The following GPATCH2L variants were observed in gnomAD, a reference collection of about 807,000 sequenced individuals.
GPATCH2L encodes the protein G-patch domain containing 2 like.
A neutral mutation model predicts 57.4 loss-of-function variants in GPATCH2L; 31 were observed. That is an observed-to-expected ratio of 0.54 (90% CI 0.41 to 0.73). GPATCH2L has a LOEUF of 0.73. GPATCH2L is among the 30% of genes least tolerant of loss of function. The pLI is 0.00. For missense variants in GPATCH2L, 481 were observed against 599.9 expected (o/e 0.80, Z 2.07); for synonymous variants, 199 against 210.7 (o/e 0.94, Z 0.48).
rs1025550293 is a variant in GPATCH2L, at chr14:76,205,065, G to A, written c.*3214G>A. ...GCTCACTGTAACCTTGAACTCATAA[G>A]CTCAAGCCATCCTCCTGCCTCAGCC... is the stretch of plus-strand genomic sequence containing the variant. On this transcript the variant is annotated 3_prime_UTR_variant, in exon 10 of 10. Coordinates refer to ENST00000261530, the MANE Select transcript of GPATCH2L (RefSeq NM_017926.4). 6.6e-6 allele frequency: 1 copy of A among 152,230 alleles called. No homozygotes were observed. The highest frequency in any genetic ancestry group is 1.5e-5 in the Non-Finnish European group (1 of 68,118). 9.4% of individuals were successfully genotyped at this position (152,230 alleles called of 1,614,324 possible).
At chr14:76,190,013 T>C (rs1002610156) in intron 8 of GPATCH2L, among the ~76,000 whole-genome samples, 13 of 152,144 alleles carry the variant, frequency 8.5e-5, no homozygotes, top group African/African-American at 3.1e-4. Flanking sequence ...TTTCTCTCCT[T>C]AGGAGTGACT....
chr14:76,163,920 T>C (rs1321100607), intron 2 of GPATCH2L, among the ~76,000 whole-genome samples: 1 of 152,084 alleles, frequency 6.6e-6, no homozygotes, highest in Non-Finnish European at 1.5e-5. Flanking sequence ...GAGCAAGATA[T>C]TTTTTTTCCC....
intron 2 of GPATCH2L, among the ~76,000 whole-genome samples, chr14:76,159,917 G>A (rs569651259): frequency 3.3e-5 from 5 of 152,248 alleles, no homozygotes; most frequent in African/African-American, 1.2e-4. Context: ...TGGATCACAA[G>A]GTTAGGAGAT....
At chr14:76,226,328 C>T (rs7144365) in intron 1 of GPATCH2L, among the ~76,000 whole-genome samples, 67,101 of 152,020 alleles carry the variant, frequency 0.44, 17,678 homozygotes, top group South Asian at 0.68. Flanking sequence ...AATTACAGCG[C>T]TGAGCAAAAG....
chr14:76,214,763 C>T (rs995827647), downstream of GPATCH2L, among the ~76,000 whole-genome samples: 98 of 152,306 alleles, frequency 6.4e-4, 1 homozygote, highest in African/African-American at 2.3e-3. Context: ...TATACCATAG[C>T]AGTCAGTAAC....
At chr14:76,231,645 A>ACACACACACACACACACACACC (rs1461427538) in intron 2 of GPATCH2L, among the ~76,000 whole-genome samples, 1 of 151,550 alleles carries the variant, frequency 6.6e-6, no homozygotes, top group African/African-American at 2.4e-5. Context: ...ACACACACAC[A>ACACACACACACACACACACACC]CACACTCTTC....
intron 3 of GPATCH2L, among the ~76,000 whole-genome samples, chr14:76,171,317 G>A (rs2039073269): frequency 6.6e-6 from 1 of 151,166 alleles, no homozygotes; most frequent in Non-Finnish European, 1.5e-5. Context: ...GCTCACGCCT[G>A]TAATCCCAGC....
chr14:76,204,295 T>A lies in GPATCH2L; in HGVS notation c.*2444T>A, dbSNP rs890733929. On this transcript the variant is annotated 3_prime_UTR_variant, in exon 10 of 10. Coordinates refer to ENST00000261530, the MANE Select transcript of GPATCH2L (RefSeq NM_017926.4). ...TGCTTTTCTACACATTTTGAATACT[T>A]TCAACAGGGATTACCCAAGAATGCA... 1.3e-5 allele frequency: 2 copies of A among 152,234 alleles called. No individual in the cohort carries two copies. The highest frequency in any genetic ancestry group is 4.8e-5 in the African/African-American group (2 of 41,458). 9.4% of individuals were successfully genotyped at this position (152,234 alleles called of 1,614,324 possible). A position where few individuals can be genotyped will look rare whatever the true frequency, so the allele number is the denominator to read the frequency against.
chr14:76,233,737 GTCA>G (rs2040585627), intron 2 of GPATCH2L, among the ~76,000 whole-genome samples: 1 of 152,176 alleles, frequency 6.6e-6, no homozygotes, highest in African/African-American at 2.4e-5. Flanking sequence ...AGTCCTTAAT[GTCA>G]TCATATACCC....
In GPATCH2L at chr14:76,168,789, A is replaced by C. The variant is rs574214208; in HGVS notation, c.727+2062A>C. On this transcript the variant is annotated intron_variant, in intron 3 of 9. Transcript: ENST00000261530. ...ACTGTGGAATCCAATGGCAAAGAGC[A>C]AACGTCATGGATGGATGATTCTGCT... Among the ~76,000 whole-genome samples the C allele has an allele frequency of 7.3e-4, 111 of 152,370 alleles. No individual in the cohort carries two copies. The Middle Eastern group carries it at 0.01, about 14-fold the overall frequency.
intron 1 of GPATCH2L, among the ~76,000 whole-genome samples, chr14:76,222,277 A>G (rs1275831822): frequency 1.3e-5 from 2 of 152,202 alleles, no homozygotes; most frequent in African/African-American, 2.4e-5. Flanking sequence ...TCCTCATGAA[A>G]TGGAATTTCT....
At chr14:76,180,702 C>T (rs1232524048) in intron 7 of GPATCH2L, 62 bp from the exon 8 acceptor site, 3 of 1,033,134 alleles carry the variant, frequency 2.9e-6, no homozygotes, top group African/African-American at 3.1e-5. Flanking sequence ...ATGTAGGTTA[C>T]CCTTTAGGAT....
chr14:76,177,823 C>T, intron 6 of GPATCH2L, 165 bp from the exon 7 acceptor site: 1 of 904,652 alleles, frequency 1.1e-6, no homozygotes, highest in Non-Finnish European at 1.8e-6. Context: ...TTATCTTCTT[C>T]TCCCTTCTGT....
chr14:76,160,325 A>T (rs535469993), intron 2 of GPATCH2L, among the ~76,000 whole-genome samples: 1 of 152,294 alleles, frequency 6.6e-6, no homozygotes, highest in African/African-American at 2.4e-5. Flanking sequence ...CAGGCTCAGC[A>T]CTTCTAACGT....
chr14:76,187,071 C>T (rs35089863), intron 8 of GPATCH2L, among the ~76,000 whole-genome samples: 48 of 151,522 alleles, frequency 3.2e-4, no homozygotes, highest in Non-Finnish European at 5.3e-4. Context: ...TGCCATAGGC[C>T]TAGATCTTTT....
chr14:76,163,451 CTT>C (rs759905212), intron 2 of GPATCH2L, among the ~76,000 whole-genome samples: 10 of 152,066 alleles, frequency 6.6e-5, no homozygotes, highest in Middle Eastern at 6.8e-3. Context: ...TGCCTCCTCT[CTT>C]TTGGATGAAT....
rs1293508479 is a variant in GPATCH2L, at chr14:76,206,223, G to T, written c.*4372G>T. On this transcript the variant is annotated 3_prime_UTR_variant, in exon 10 of 10. Coordinates refer to ENST00000261530, the MANE Select transcript of GPATCH2L (RefSeq NM_017926.4). ...AATTTCGCCCCTTAGAAGAAAACTG[G>T]TACAGAGGGAAAGGGTGAGGAAAAT... 1 of 152,206 alleles carries T rather than the reference G, an allele frequency of 6.6e-6. No homozygotes were observed. The highest frequency in any genetic ancestry group is 2.4e-5 in the African/African-American group (1 of 41,432). The allele number at this position is 152,206 out of a possible 1,614,324, so 9.4% of individuals were successfully genotyped here. A position where few individuals can be genotyped will look rare whatever the true frequency, so the allele number is the denominator to read the frequency against.
intron 1 of GPATCH2L, among the ~76,000 whole-genome samples, chr14:76,222,017 T>C (rs1476591926): frequency 4.6e-5 from 7 of 152,180 alleles, no homozygotes; most frequent in African/African-American, 1.7e-4. Flanking sequence ...AATGTGTTGA[T>C]TGTAACAAAT....
At chr14:76,170,444 A>C (rs189482987) in intron 3 of GPATCH2L, among the ~76,000 whole-genome samples, 29 of 152,360 alleles carry the variant, frequency 1.9e-4, no homozygotes, top group African/African-American at 6.3e-4. Flanking sequence ...TATAGCCAGT[A>C]GAAAGAAGTT....
Sources: gnomAD v4.1 joint callset for allele counts (sites outside exome capture counted in the v4.1 genomes callset) on GRCh38, gnomAD v4.1.1 for gene constraint, MANE v1.5 for transcripts, NCBI Gene and HGNC (gene_info 2026-07-23, HGNC 2026-07-21) for gene names.